TMCO1: variants seen among roughly 807,000 people sequenced by gnomAD.
TMCO1 encodes the protein calcium load-activated calcium channel.
Under a neutral mutation model 29.3 loss-of-function variants are expected in TMCO1, and 29 were observed. The ratio of observed to expected loss-of-function variants is 0.99; its 90% CI spans 0.74 to 1.35. TMCO1 has a LOEUF of 1.35. Among genes scored for constraint, TMCO1 ranks in the 40% most tolerant of loss-of-function variants. TMCO1 has a pLI of 0.00. For synonymous variants in TMCO1, 80 were observed against 77.1 expected, an observed-to-expected ratio of 1.04 and a Z score of -0.20; for missense variants, 173 against 225.5, an observed-to-expected ratio of 0.77 and a Z score of 1.49.
At chr1:165,738,656 A>G (rs758174771) in intron 6 of TMCO1, among the ~76,000 whole-genome samples, 2 of 152,246 alleles carry the variant, frequency 1.3e-5, no homozygotes, top group South Asian at 2.1e-4. Flanking sequence ...GCATAAGCTA[A>G]CAGTGAGTAA....
At chr1:165,728,899 C>T (rs531983528) in intron 6 of TMCO1, among the ~76,000 whole-genome samples, 2 of 151,958 alleles carry the variant, frequency 1.3e-5, no homozygotes, top group Admixed American at 6.5e-5. Context: ...GAGTTCAAGA[C>T]GAGCTTGGAC....
At chr1:165,760,402 G>A (rs1431894679) in intron 2 of TMCO1, among the ~76,000 whole-genome samples, 1 of 147,406 alleles carries the variant, frequency 6.8e-6, no homozygotes, top group Non-Finnish European at 1.5e-5. Flanking sequence ...CTCTACTCCA[G>A]TCTGGGCAAT....
chr1:165,750,690 G>T lies in TMCO1; in HGVS notation c.323+1412C>A, dbSNP rs144670320. Among the ~76,000 whole-genome samples, 58 of 152,254 alleles carry T rather than the reference G, an allele frequency of 3.8e-4. 1 individual carries two copies. In the East Asian group the frequency reaches 0.011, roughly 28 times the overall value. On this transcript the variant is annotated intron_variant, in intron 5 of 6. Coordinates refer to ENST00000367881, the MANE Select transcript of TMCO1 (RefSeq NM_019026.6). ...TTTGTGTGGACAAAAATTATAGCAG[G>T]TTACAAAACAACCATTCTTCTGTAT...
chr1:165,754,700 T>G (rs1322746847), intron 3 of TMCO1, among the ~76,000 whole-genome samples: 1 of 152,200 alleles, frequency 6.6e-6, no homozygotes, highest in Non-Finnish European at 1.5e-5. Flanking sequence ...TATAAGCCAG[T>G]TGATAGGATG....
chr1:165,729,419 G>A (rs1206813385), intron 6 of TMCO1, among the ~76,000 whole-genome samples: 2 of 151,322 alleles, frequency 1.3e-5, no homozygotes, highest in South Asian at 2.1e-4. Flanking sequence ...TGGGTCAAGC[G>A]ATTCTGCCTG....
chr1:165,731,033 G>A (rs1199598055), intron 6 of TMCO1, among the ~76,000 whole-genome samples: 1 of 151,994 alleles, frequency 6.6e-6, no homozygotes, highest in African/African-American at 2.4e-5. Flanking sequence ...CCGAGTAGCA[G>A]GGAATACAGG....
chr1:165,754,164 G>A (rs1306186365), intron 4 of TMCO1, 64 bp downstream of exon 4: 1 of 1,395,666 alleles, frequency 7.2e-7, no homozygotes, highest in African/African-American at 1.4e-5. Flanking sequence ...TGCACTTGAT[G>A]TAAATCAGTC....
chr1:165,742,207 C>T (rs1312175634), intron 6 of TMCO1, among the ~76,000 whole-genome samples: 1 of 152,090 alleles, frequency 6.6e-6, no homozygotes. Context: ...TGTTCAGAAA[C>T]TGAATAATGC....
At chr1:165,730,985 C>T (rs1325453018) in intron 6 of TMCO1, among the ~76,000 whole-genome samples, 3 of 151,854 alleles carry the variant, frequency 2.0e-5, no homozygotes, top group East Asian at 1.9e-4. Flanking sequence ...CTGCAACCTC[C>T]GCCTCCCAGG....
At chr1:165,729,510 G>A (rs1470850947) in intron 6 of TMCO1, among the ~76,000 whole-genome samples, 1 of 151,728 alleles carries the variant, frequency 6.6e-6, no homozygotes, top group Non-Finnish European at 1.5e-5. Flanking sequence ...AGTAGAGAAG[G>A]GGTTTCACCA....
intron 3 of TMCO1, among the ~76,000 whole-genome samples, chr1:165,756,822 T>C (rs545907068): frequency 6.6e-6 from 1 of 150,614 alleles, no homozygotes; most frequent in South Asian, 2.1e-4. Context: ...ACTATATATA[T>C]ATTTACAAAT....
chr1:165,758,518 T>C (rs1652280255), intron 3 of TMCO1, among the ~76,000 whole-genome samples: 1 of 151,678 alleles, frequency 6.6e-6, no homozygotes, highest in Non-Finnish European at 1.5e-5. Context: ...ATCACACCAC[T>C]GCACTACAGC....
intron 5 of TMCO1, 114 bp from the exon 6 acceptor site, chr1:165,743,425 A>T (rs1055547177): frequency 3.4e-5 from 37 of 1,092,812 alleles, no homozygotes; most frequent in Non-Finnish European, 4.7e-5. Context: ...TCTCTGAAAA[A>T]CAAAGAGAGG....
chr1:165,764,116 G>T (rs910271536), intron 2 of TMCO1, among the ~76,000 whole-genome samples: 9 of 152,118 alleles, frequency 5.9e-5, no homozygotes, highest in Non-Finnish European at 1.3e-4. Flanking sequence ...AATTTGTTTT[G>T]TATTTCATAA....
chr1:165,735,507 CTTAATT>C (rs1651336648), intron 6 of TMCO1, among the ~76,000 whole-genome samples: 1 of 121,678 alleles, frequency 8.2e-6, no homozygotes, highest in African/African-American at 3.3e-5. Context: ...CAAATCTCTG[CTTAATT>C]TTTTTTTTTT....
intron 5 of TMCO1, among the ~76,000 whole-genome samples, chr1:165,748,577 G>T (rs1651887117): frequency 6.6e-6 from 1 of 152,120 alleles, no homozygotes; most frequent in African/African-American, 2.4e-5. Context: ...CTAATGAAAA[G>T]AAGAGGGAGA....
chr1:165,739,580 G>C (rs1189068613), intron 6 of TMCO1, among the ~76,000 whole-genome samples: 1 of 151,872 alleles, frequency 6.6e-6, no homozygotes, highest in African/African-American at 2.4e-5. Flanking sequence ...GTAGAGATGG[G>C]GTCTCACCAT....
At chr1:165,761,117 T>C (rs554589878) in intron 2 of TMCO1, among the ~76,000 whole-genome samples, 2 of 152,280 alleles carry the variant, frequency 1.3e-5, no homozygotes, top group Non-Finnish European at 2.9e-5. Flanking sequence ...TTGACTCCAA[T>C]ATTGCAAATG....
At chr1:165,725,018 C>CTATA (rs1348162614), downstream of TMCO1, 3 of 137,360 alleles carry the variant, frequency 2.2e-5, no homozygotes, top group East Asian at 2.7e-4. Context: ...CTCTCTCTCT[C>CTATA]TCTCTCTATA....
Sources: gnomAD v4.1 joint callset for allele counts (sites outside exome capture counted in the v4.1 genomes callset) on GRCh38, gnomAD v4.1.1 for gene constraint, MANE v1.5 for transcripts, NCBI Gene and HGNC (gene_info 2026-07-23, HGNC 2026-07-21) for gene names.